Variants in SHLD1 observed in about 807,000 individuals in gnomAD.
SHLD1 encodes shieldin complex subunit 1, also known as RINN1-REV7-interacting novel NHEJ regulator 3.
A neutral mutation model predicts 5.5 loss-of-function variants in SHLD1; 3 were observed. The ratio of observed to expected loss-of-function variants is 0.54; its 90% CI spans 0.25 to 1.40. SHLD1 has a LOEUF of 1.40. SHLD1 is among the 40% of genes most tolerant of loss of function. The pLI is 0.15. For synonymous variants in SHLD1, 92 were observed against 94.3 expected, an observed-to-expected ratio of 0.98 and a Z score of 0.14; for missense variants, 210 against 244.4, an observed-to-expected ratio of 0.86 and a Z score of 0.94.
intron 2 of SHLD1, among the ~76,000 whole-genome samples, chr20:5,828,135 C>A (rs903155212): frequency 5.9e-5 from 9 of 152,110 alleles, no homozygotes; most frequent in African/African-American, 1.9e-4. Context: ...TAACTTGCCT[C>A]CCCCCAACAT....
At chr20:5,828,263 G>T (rs971828112) in intron 2 of SHLD1, among the ~76,000 whole-genome samples, 1 of 152,124 alleles carries the variant, frequency 6.6e-6, no homozygotes, top group Non-Finnish European at 1.5e-5. Context: ...CTTTAACTCC[G>T]TAAGGGCAGG....
chr20:5,860,948 C>G (rs1318335850), intron 2 of SHLD1, among the ~76,000 whole-genome samples: 1 of 135,242 alleles, frequency 7.4e-6, no homozygotes. Context: ...TTTCTGGAAA[C>G]TAGTGTAGTG....
intron 1 of SHLD1, among the ~76,000 whole-genome samples, chr20:5,768,423 TG>T (rs1466110015): frequency 6.6e-6 from 1 of 152,260 alleles, no homozygotes; most frequent in Non-Finnish European, 1.5e-5. Flanking sequence ...CTGCCCCTTC[TG>T]GGCTCTTCTG....
chr20:5,766,719 T>C (rs1426980460), intron 1 of SHLD1, among the ~76,000 whole-genome samples: 1 of 152,174 alleles, frequency 6.6e-6, no homozygotes, highest in African/African-American at 2.4e-5. Flanking sequence ...ACTACTCTTA[T>C]GATTACACTG....
intron 2 of SHLD1, among the ~76,000 whole-genome samples, chr20:5,857,654 G>GA (rs147863359): frequency 6.6e-6 from 1 of 151,182 alleles, no homozygotes; most frequent in Non-Finnish European, 1.5e-5. Flanking sequence ...ACAAAAAATA[G>GA]AAAAAAGTTA....
chr20:5,812,148 CT>C (rs2046638276), intron 2 of SHLD1, among the ~76,000 whole-genome samples: 1 of 150,522 alleles, frequency 6.6e-6, no homozygotes, highest in Non-Finnish European at 1.5e-5. Context: ...TAAAAACAAC[CT>C]ATACCAATAT....
intron 2 of SHLD1, among the ~76,000 whole-genome samples, chr20:5,854,872 CT>C (rs55776293): frequency 1.0e-4 from 13 of 129,972 alleles, no homozygotes; most frequent in Admixed American, 1.6e-4. Context: ...CTCTATGACT[CT>C]TTTTTTTTTT....
intron 2 of SHLD1, among the ~76,000 whole-genome samples, chr20:5,792,367 A>G (rs1376182415): frequency 2.0e-5 from 3 of 151,816 alleles, no homozygotes; most frequent in Non-Finnish European, 4.4e-5. Flanking sequence ...TAATTTTTGT[A>G]TATTGTGTAA....
At chr20:5,854,054 G>A (rs1299400845) in intron 2 of SHLD1, among the ~76,000 whole-genome samples, 1 of 150,556 alleles carries the variant, frequency 6.6e-6, no homozygotes, top group East Asian at 1.9e-4. Flanking sequence ...TGCCCAGGCT[G>A]GAGTGCAATG....
intron 2 of SHLD1, among the ~76,000 whole-genome samples, chr20:5,790,084 T>G (rs1478042128): frequency 1.3e-5 from 2 of 152,182 alleles, no homozygotes; most frequent in African/African-American, 4.8e-5. Context: ...GTTCAACAAA[T>G]GATCTGGCCT....
Position 5,822,080 on chromosome 20 carries a change from TA to T in SHLD1, c.179-40940del, listed in dbSNP as rs563853650. Reference sequence around the variant, plus strand: ...GACTGGCCAGGCAAAGTTTATTAACTAAAAGTTCTTTGTGTTGACTCAGGTG... The same window carrying T: ...GACTGGCCAGGCAAAGTTTATTAACTAAAGTTCTTTGTGTTGACTCAGGTG... On this transcript the variant is annotated intron_variant, in intron 2 of 2. Coordinates refer to ENST00000303142, the MANE Select transcript of SHLD1 (RefSeq NM_152504.4). Among the ~76,000 whole-genome samples the T allele has an allele frequency of 4.6e-5, 7 of 152,342 alleles. No individual in the cohort carries two copies. The South Asian group carries it at 1.4e-3, about 32-fold the overall frequency.
At chr20:5,791,587 G>C (rs1261441863) in intron 2 of SHLD1, among the ~76,000 whole-genome samples, 1 of 138,272 alleles carries the variant, frequency 7.2e-6, no homozygotes, top group Admixed American at 7.2e-5. Context: ...AAAAAAAAAG[G>C]AAATGATATA....
chr20:5,758,933 T>TC (rs1984294538), intron 1 of SHLD1, among the ~76,000 whole-genome samples: 1 of 150,124 alleles, frequency 6.7e-6, no homozygotes, highest in African/African-American at 2.5e-5. Context: ...TTTTTTTTTT[T>TC]CTCATCTTTC....
chr20:5,773,989 A>G (rs1985310172), intron 2 of SHLD1, among the ~76,000 whole-genome samples: 1 of 152,136 alleles, frequency 6.6e-6, no homozygotes, highest in Non-Finnish European at 1.5e-5. Flanking sequence ...GGATCACCTA[A>G]GGTCAGGAGT....
At chr20:5,832,797 TAATAAATA>T (rs56210743) in intron 2 of SHLD1, among the ~76,000 whole-genome samples, 74,763 of 143,700 alleles carry the variant, frequency 0.52, 21,544 homozygotes, top group Non-Finnish European at 0.65. Flanking sequence ...GAAATCAAAA[TAATAAATA>T]AATAAATAAA....
At chr20:5,771,513 A>G (rs980260603) in intron 1 of SHLD1, among the ~76,000 whole-genome samples, 2 of 152,186 alleles carry the variant, frequency 1.3e-5, no homozygotes, top group African/African-American at 4.8e-5. Flanking sequence ...TTCTGGTACA[A>G]CACACTGCTA....
intron 2 of SHLD1, among the ~76,000 whole-genome samples, chr20:5,813,891 CT>C (rs2087492457): frequency 6.7e-6 from 1 of 148,444 alleles, no homozygotes; most frequent in African/African-American, 2.5e-5. Context: ...AATTAAGTGG[CT>C]TTTAAACTAA....
intron 2 of SHLD1, among the ~76,000 whole-genome samples, chr20:5,791,159 T>C (rs555057153): frequency 6.6e-6 from 1 of 152,108 alleles, no homozygotes; most frequent in Non-Finnish European, 1.5e-5. Context: ...AAATACCTTA[T>C]TTGACAAGGA....
intron 2 of SHLD1, among the ~76,000 whole-genome samples, chr20:5,786,568 T>C (rs2087062046): frequency 6.7e-6 from 1 of 149,252 alleles, no homozygotes; most frequent in African/African-American, 2.5e-5. Flanking sequence ...GAATGAGACC[T>C]CATCTCTTTT....
Sources: allele counts gnomAD v4.1 joint callset (sites outside exome capture counted in the v4.1 genomes callset), GRCh38; gene constraint gnomAD v4.1.1; transcripts MANE v1.5; gene names NCBI Gene and HGNC (gene_info 2026-07-23, HGNC 2026-07-21).